COL19A1: variants seen among roughly 807,000 people sequenced by gnomAD.
The protein encoded by COL19A1 is collagen alpha-1(XIX) chain.
A neutral mutation model predicts 190.2 loss-of-function variants in COL19A1; 159 were observed. The observed-to-expected ratio is 0.84, with a 90% CI of 0.73 to 0.95. The LOEUF (loss-of-function observed/expected upper bound fraction) is 0.95. COL19A1 is among the 40% of genes least tolerant of loss of function. The probability of loss-of-function intolerance (pLI) is 0.00; values close to 1 mark genes in which losing one functional copy is unlikely to be tolerated. For missense variants in COL19A1, 1,418 were observed against 1,431.9 expected, an observed-to-expected ratio of 0.99 and a Z score of 0.16; for synonymous variants, 509 against 458.9, an observed-to-expected ratio of 1.11 and a Z score of -1.39.
In COL19A1 at chr6:70,190,299, T is replaced by C; in HGVS notation, c.3028-16T>C. 6.3e-7 allele frequency: 1 copy of C among 1,585,528 alleles called. No individual in the cohort carries two copies. Among genetic ancestry groups the C allele is most frequent in the Non-Finnish European group, 8.6e-7 (1 of 1,157,302 alleles). On this transcript the variant is annotated splice_polypyrimidine_tract_variant and intron_variant, in intron 47 of 50. Transcript: ENST00000620364. Reference sequence around the variant, plus strand: ...GCTATGCTCTATTTTAACAACCTTTTTTTTTCCTTCTTCAGGCTGATGCAG... The same window carrying C: ...GCTATGCTCTATTTTAACAACCTTTCTTTTTCCTTCTTCAGGCTGATGCAG...
intron 11 of COL19A1, among the ~76,000 whole-genome samples, chr6:69,975,201 C>T (rs1775649584): frequency 6.6e-6 from 1 of 152,202 alleles, no homozygotes; most frequent in Admixed American, 6.5e-5. Flanking sequence ...GCAAGTGTTT[C>T]ACTGTGCTTC....
At chr6:69,880,610 G>GA (rs1338095120) in intron 2 of COL19A1, among the ~76,000 whole-genome samples, 2 of 152,174 alleles carry the variant, frequency 1.3e-5, no homozygotes, top group Admixed American at 1.3e-4. Context: ...ACACATCGTA[G>GA]TCTTTCAGAG....
At chr6:70,052,547 TCTTA>T (rs1780265132) in intron 14 of COL19A1, among the ~76,000 whole-genome samples, 2 of 152,228 alleles carry the variant, frequency 1.3e-5, no homozygotes, top group Non-Finnish European at 2.9e-5. Flanking sequence ...GTTTTTCTAT[TCTTA>T]CTTCTCTTCA....
chr6:69,987,155 A>C (rs1202059424), intron 11 of COL19A1, among the ~76,000 whole-genome samples: 1 of 152,156 alleles, frequency 6.6e-6, no homozygotes, highest in Non-Finnish European at 1.5e-5. Flanking sequence ...AGGCCTATGG[A>C]TATTCAGCAA....
At chr6:70,179,304 C>A (rs1766017748) in intron 42 of COL19A1, among the ~76,000 whole-genome samples, 1 of 152,198 alleles carries the variant, frequency 6.6e-6, no homozygotes, top group South Asian at 2.1e-4. Flanking sequence ...CTCAGCCCCA[C>A]CACACCTACA....
chr6:69,902,332 G>A (rs186173663), intron 4 of COL19A1, among the ~76,000 whole-genome samples: 4 of 152,332 alleles, frequency 2.6e-5, no homozygotes, highest in Admixed American at 2.6e-4. Flanking sequence ...GATGCTTTCT[G>A]TGCCTGAGCT....
At chr6:70,057,545 T>G (rs3805998) in intron 14 of COL19A1, among the ~76,000 whole-genome samples, 93,714 of 151,862 alleles carry the variant, frequency 0.62, 30,024 homozygotes, top group African/African-American at 0.76. Context: ...AACTTGATTG[T>G]TTCTATTTTT....
chr6:70,118,707 T>G (rs1267536108), intron 16 of COL19A1, among the ~76,000 whole-genome samples: 1 of 152,232 alleles, frequency 6.6e-6, no homozygotes, highest in African/African-American at 2.4e-5. Context: ...GCAGAACATA[T>G]GAAAATGTAG....
intron 15 of COL19A1, among the ~76,000 whole-genome samples, chr6:70,075,308 G>A (rs1781818515): frequency 6.6e-6 from 1 of 152,152 alleles, no homozygotes; most frequent in African/African-American, 2.4e-5. Flanking sequence ...ATAAAAATAA[G>A]CAAATCTGCA....
At chr6:70,199,559 T>A (rs1213773002) in intron 48 of COL19A1, 49 bp from the exon 49 acceptor site, 6 of 1,312,286 alleles carry the variant, frequency 4.6e-6, no homozygotes, top group Non-Finnish European at 6.0e-6. Context: ...TTTTTTGACA[T>A]AAAATATTTC....
At chr6:70,078,657 C>T (rs1163399998) in intron 15 of COL19A1, among the ~76,000 whole-genome samples, 3 of 152,164 alleles carry the variant, frequency 2.0e-5, no homozygotes, top group Non-Finnish European at 2.9e-5. Context: ...TAGCCTGGCA[C>T]CAACTGCACC....
intron 16 of COL19A1, among the ~76,000 whole-genome samples, chr6:70,102,671 C>G (rs955691916): frequency 6.6e-6 from 1 of 152,120 alleles, no homozygotes; most frequent in African/African-American, 2.4e-5. Context: ...GTAAAAAGTG[C>G]TATAAAGATC....
At chr6:69,909,234 G>A (rs1770749230) in intron 4 of COL19A1, among the ~76,000 whole-genome samples, 1 of 152,050 alleles carries the variant, frequency 6.6e-6, no homozygotes, top group Admixed American at 6.6e-5. Flanking sequence ...GAGGAAAAAA[G>A]GAGTAGTTTT....
chr6:70,182,637 C>G (rs1331392597), intron 44 of COL19A1, among the ~76,000 whole-genome samples: 1 of 152,106 alleles, frequency 6.6e-6, no homozygotes, highest in Non-Finnish European at 1.5e-5. Context: ...GTGAGGTTTC[C>G]TTGATGTCAA....
chr6:70,195,838 G>GT (rs1256815098), intron 48 of COL19A1, among the ~76,000 whole-genome samples: 6 of 152,172 alleles, frequency 3.9e-5, no homozygotes, highest in African/African-American at 1.4e-4. Flanking sequence ...GTTAAGTAAT[G>GT]TATCACTCAA....
At chr6:70,087,429 G>T (rs971942528) in intron 15 of COL19A1, among the ~76,000 whole-genome samples, 1 of 152,130 alleles carries the variant, frequency 6.6e-6, no homozygotes, top group Admixed American at 6.6e-5. Context: ...GGAAGCAGCA[G>T]GTGCAAAGGT....
chr6:69,885,805 A>T (rs1431674751), intron 2 of COL19A1, among the ~76,000 whole-genome samples: 1 of 152,020 alleles, frequency 6.6e-6, no homozygotes, highest in African/African-American at 2.4e-5. Flanking sequence ...AAATGGAAGG[A>T]TTTTCTTTTT....
At chr6:69,886,956 T>G (rs897453886) in intron 2 of COL19A1, among the ~76,000 whole-genome samples, 1 of 152,198 alleles carries the variant, frequency 6.6e-6, no homozygotes, top group African/African-American at 2.4e-5. Context: ...GTTTTATTTT[T>G]TTTCAGCTTT....
intron 12 of COL19A1, among the ~76,000 whole-genome samples, chr6:70,031,933 G>A (rs13362619): frequency 1.6e-4 from 25 of 152,206 alleles, no homozygotes; most frequent in African/African-American, 2.4e-4. Context: ...GAAAAAAATC[G>A]TTGACACTTG....
Sources: gnomAD v4.1 joint callset for allele counts (sites outside exome capture counted in the v4.1 genomes callset) on GRCh38, gnomAD v4.1.1 for gene constraint, MANE v1.5 for transcripts, NCBI Gene and HGNC (gene_info 2026-07-23, HGNC 2026-07-21) for gene names.